KLHL2: variants seen among roughly 807,000 people sequenced by gnomAD.
The protein encoded by KLHL2 is kelch like family member 2, also known as kelch-like protein 2.
Under a neutral mutation model 75.8 loss-of-function variants are expected in KLHL2, and 15 were observed. The ratio of observed to expected loss-of-function variants is 0.20; its 90% CI spans 0.13 to 0.30. The LOEUF (loss-of-function observed/expected upper bound fraction) is 0.30, where lower values mean the gene tolerates loss of function less well. Among genes scored for constraint, KLHL2 ranks in the 10% least tolerant of loss-of-function variants. KLHL2 has a pLI of 1.00. For missense variants in KLHL2, 381 were observed against 741.0 expected, an observed-to-expected ratio of 0.51 and a Z score of 5.64; for synonymous variants, 214 against 251.9, an observed-to-expected ratio of 0.85 and a Z score of 1.42.
intron 1 of KLHL2, among the ~76,000 whole-genome samples, chr4:165,215,723 A>T (rs1737491346): frequency 6.6e-6 from 1 of 150,600 alleles, no homozygotes; most frequent in Non-Finnish European, 1.5e-5. Flanking sequence ...GAATGGTTGC[A>T]TTTTTTTTTT....
intron 5 of KLHL2, among the ~76,000 whole-genome samples, chr4:165,269,694 A>G (rs1309221813): frequency 6.6e-6 from 1 of 150,902 alleles, no homozygotes; most frequent in African/African-American, 2.4e-5. Flanking sequence ...TGTTAGTCTG[A>G]TGAGCTTCCC....
intron 1 of KLHL2, chr4:165,209,906 C>T: frequency 1.2e-6 from 1 of 838,654 alleles, no homozygotes; most frequent in Non-Finnish European, 1.7e-6. Context: ...TTTTCCTTGC[C>T]ACCCCTTGGC....
intron 5 of KLHL2, among the ~76,000 whole-genome samples, chr4:165,271,164 GAT>G (rs1491248880): frequency 5.1e-5 from 6 of 116,760 alleles, no homozygotes; most frequent in African/African-American, 8.4e-5. Flanking sequence ...TGCATTTTAG[GAT>G]TTTTTTTTTA....
At chr4:165,211,200 C>T (rs1737178676) in intron 1 of KLHL2, among the ~76,000 whole-genome samples, 1 of 152,118 alleles carries the variant, frequency 6.6e-6, no homozygotes, top group Admixed American at 6.5e-5. Flanking sequence ...TGAAGTCTAA[C>T]AATTGCTAAG....
chr4:165,307,857 G>T (rs372391816), intron 9 of KLHL2, among the ~76,000 whole-genome samples: 63 of 152,138 alleles, frequency 4.1e-4, no homozygotes, highest in South Asian at 1.5e-3. Flanking sequence ...AGATATCTGG[G>T]CTGTATTTTA....
At chr4:165,286,410 A>T (rs1744096453) in intron 5 of KLHL2, among the ~76,000 whole-genome samples, 1 of 152,184 alleles carries the variant, frequency 6.6e-6, no homozygotes, top group East Asian at 1.9e-4. Flanking sequence ...ATAACTGTGG[A>T]CAGTAATATA....
intron 9 of KLHL2, among the ~76,000 whole-genome samples, chr4:165,306,294 A>G (rs1378121432): frequency 1.3e-5 from 2 of 152,230 alleles, no homozygotes; most frequent in East Asian, 1.9e-4. Flanking sequence ...TACTTTAACA[A>G]TACATCTTGG....
intron 4 of KLHL2, among the ~76,000 whole-genome samples, chr4:165,243,212 A>G (rs1224303771): frequency 2.6e-5 from 4 of 152,214 alleles, no homozygotes; most frequent in African/African-American, 7.2e-5. Context: ...TTCTTAAAGC[A>G]TTTACTTCAT....
chr4:165,314,085 C>A lies in KLHL2; in HGVS notation c.1528C>A (p.Arg510=), dbSNP rs749766646. The A allele has an allele frequency of 6.2e-7, 1 of 1,613,410 alleles. No homozygotes were observed. The highest frequency in any genetic ancestry group is 8.5e-7 in the Non-Finnish European group (1 of 1,179,624). ...AGGAGGTCATGATGGCCCTTTAGTA[C>A]GAAAAAGTGTTGAAGTATATGATCC... ...AVGGHDGPLV[R]KSVEVYDPTT... is the part of the protein sequence containing the mutation. Residue 510 remains arginine (R), a synonymous_variant, in exon 13 of 15, where the codon CGA becomes AGA. Coordinates refer to ENST00000226725, the MANE Select transcript of KLHL2 (RefSeq NM_007246.4).
At chr4:165,256,622 T>A (rs1403565440) in intron 4 of KLHL2, among the ~76,000 whole-genome samples, 1 of 152,240 alleles carries the variant, frequency 6.6e-6, no homozygotes, top group Non-Finnish European at 1.5e-5. Flanking sequence ...TTATATTTGC[T>A]AGCATTGTAG....
chr4:165,234,533 A>C (rs1055111443), intron 3 of KLHL2, among the ~76,000 whole-genome samples: 83 of 152,090 alleles, frequency 5.5e-4, no homozygotes, highest in African/African-American at 2.0e-3. Flanking sequence ...ACATTGGATA[A>C]ATTCATTTTG....
chr4:165,219,285 A>G (rs1054828722), intron 1 of KLHL2, among the ~76,000 whole-genome samples: 1 of 152,274 alleles, frequency 6.6e-6, no homozygotes, highest in Non-Finnish European at 1.5e-5. Context: ...TTACCCCGTT[A>G]CTCAAACTAT....
In KLHL2 at chr4:165,303,524, G is replaced by A. The variant is rs528873917; in HGVS notation, c.922-2084G>A. On this transcript the variant is annotated intron_variant, in intron 8 of 14. Transcript: ENST00000226725. ...CCCCGCCGTTTTTGGGTGGTCAGAG[G>A]TGAGGGTATTGTATATTTTCTTTAT... Among the ~76,000 whole-genome samples, 13 of 148,190 alleles carry A rather than the reference G, an allele frequency of 8.8e-5. No individual in the cohort carries two copies. The South Asian group carries it at 2.3e-3, about 27-fold the overall frequency.
chr4:165,293,105 A>G (rs1744637310), intron 5 of KLHL2, among the ~76,000 whole-genome samples: 1 of 152,208 alleles, frequency 6.6e-6, no homozygotes, highest in South Asian at 2.1e-4. Flanking sequence ...CAACCCTGGT[A>G]TGTCTGAATC....
chr4:165,275,261 T>C (rs1227462226), intron 5 of KLHL2, among the ~76,000 whole-genome samples: 2 of 152,134 alleles, frequency 1.3e-5, no homozygotes, highest in African/African-American at 4.8e-5. Context: ...CTTCTCATGT[T>C]TGTTGGGTGG....
chr4:165,313,352 G>A lies in KLHL2; in HGVS notation c.1454G>A (p.Arg485Lys), dbSNP rs1746350567. The change falls in exon 12 of 15, where the codon AGG becomes AAG. Residue 485 changes from arginine to lysine, a missense_variant. Around this residue, in one of 5 missense-constraint regions of KLHL2, gnomAD observed 168 missense variants for 370.4 expected, o/e 0.45. Transcript: ENST00000226725. ...ACCTATATAGCAGAAATGAGCACCA[G>A]GCGGAGTGGAGCAGGTACATGTGAA... ...EWTYIAEMST[R>K]RSGAGVGVLN... is the part of the protein sequence containing the mutation. The A allele has an allele frequency of 5.2e-6, 8 of 1,529,822 alleles. No individual in the cohort carries two copies. The highest frequency in any genetic ancestry group is 5.2e-6 in the Non-Finnish European group (6 of 1,143,038). The allele number at this position is 1,529,822 out of a possible 1,614,324, so 94.8% of individuals were successfully genotyped here.
At chr4:165,231,949 C>A (rs1363548974) in intron 3 of KLHL2, among the ~76,000 whole-genome samples, 1 of 152,150 alleles carries the variant, frequency 6.6e-6, no homozygotes, top group Non-Finnish European at 1.5e-5. Context: ...TATAGCCCTT[C>A]TAGTGGGTGT....
At chr4:165,306,853 C>T (rs1412840452) in intron 9 of KLHL2, among the ~76,000 whole-genome samples, 2 of 152,128 alleles carry the variant, frequency 1.3e-5, no homozygotes, top group East Asian at 3.8e-4. Flanking sequence ...TGACTTTGTG[C>T]TATTTTTGCC....
chr4:165,295,635 A>T (rs1744851203), intron 6 of KLHL2, among the ~76,000 whole-genome samples: 1 of 152,190 alleles, frequency 6.6e-6, no homozygotes, highest in African/African-American at 2.4e-5. Flanking sequence ...ATGGTAGTTC[A>T]ACTTGGTTCA....
Sources: allele counts gnomAD v4.1 joint callset (sites outside exome capture counted in the v4.1 genomes callset), GRCh38; gene constraint gnomAD v4.1.1; regional missense constraint gnomAD v4.1.1; transcripts MANE v1.5; gene names NCBI Gene and HGNC (gene_info 2026-07-23, HGNC 2026-07-21).